The following PANX2 variants were observed in gnomAD, a reference collection of about 807,000 sequenced individuals.
PANX2 encodes pannexin-2.
PANX2 carries 30 observed loss-of-function variants against 38.7 expected under a neutral mutation model. That is an observed-to-expected ratio of 0.78 (90% CI 0.58 to 1.05). PANX2 has a LOEUF of 1.05. PANX2 is among the 50% of genes least tolerant of loss of function. The probability of loss-of-function intolerance (pLI) is 0.00; values close to 1 mark genes in which losing one functional copy is unlikely to be tolerated. For synonymous variants in PANX2, 539 were observed against 472.1 expected, an observed-to-expected ratio of 1.14 and a Z score of -1.84; for missense variants, 880 against 979.3, an observed-to-expected ratio of 0.90 and a Z score of 1.35.
Position 50,178,957 on chromosome 22 carries a change from AT to A in PANX2, c.1715del (p.Ile572ThrfsTer32). 1 of 1,586,398 alleles carries A rather than the reference AT, an allele frequency of 6.3e-7. No individual in the cohort carries two copies. Among genetic ancestry groups the A allele is most frequent in the Non-Finnish European group, 8.6e-7 (1 of 1,164,890 alleles). On this transcript the variant is annotated frameshift_variant, in exon 3 of 3. Coordinates refer to ENST00000395842, the MANE Select transcript of PANX2 (RefSeq NM_052839.4). LOFTEE classifies it low-confidence loss of function (END_TRUNC). ...IKDAPLPEKE[I>X]PYPTEPARAG... Reference sequence around the variant, plus strand: ...AGATGCTCCGCTCCCCGAGAAGGAAATCCCGTACCCCACAGAGCCAGCCCGG... The same window carrying A: ...AGATGCTCCGCTCCCCGAGAAGGAAACCCGTACCCCACAGAGCCAGCCCGG...
rs1215081940 is a variant in PANX2, at chr22:50,179,096, G to A, written c.1853G>A (p.Ser618Asn). 2 of 1,611,802 alleles carry A rather than the reference G, an allele frequency of 1.2e-6. No homozygotes were observed. Among genetic ancestry groups the A allele is most frequent in the Non-Finnish European group, 1.7e-6 (2 of 1,179,396 alleles). The change falls in exon 3 of 3, where the codon AGC becomes AAC. Residue 618 changes from serine to asparagine, a missense_variant. Around this residue, in one of 4 missense-constraint regions of PANX2, gnomAD observed 445 missense variants for 404.3 expected, o/e 1.10. Coordinates refer to ENST00000395842, the MANE Select transcript of PANX2 (RefSeq NM_052839.4). ...LGKAEPLTILSRNATHPLLHI... is the reference protein window; with the variant it reads ...LGKAEPLTILNRNATHPLLHI... Reference sequence around the variant, plus strand: ...AAGGCGGAGCCCCTCACCATCCTGAGCCGAAACGCCACACACCCGCTGCTG... The same window carrying A: ...AAGGCGGAGCCCCTCACCATCCTGAACCGAAACGCCACACACCCGCTGCTG...
Position 50,177,088 on chromosome 22 carries a change from T to C in PANX2, c.376T>C (p.Tyr126His). Residue 126 changes from tyrosine (Y) to histidine (H), a missense_variant, in exon 2 of 3, where the codon TAC becomes CAC. Coordinates refer to ENST00000395842, the MANE Select transcript of PANX2 (RefSeq NM_052839.4). ...PSLFEHKFLPYALLAFAAIMY... is the reference protein window; with the variant it reads ...PSLFEHKFLPHALLAFAAIMY... ...GCTGTTTGAGCACAAGTTCCTGCCCTACGCGCTGCTGGCCTTCGCCGCCAT... is the reference window on the plus strand; with the variant it reads ...GCTGTTTGAGCACAAGTTCCTGCCCCACGCGCTGCTGGCCTTCGCCGCCAT... 2 of 1,610,950 alleles carry C rather than the reference T, an allele frequency of 1.2e-6. No homozygotes were observed. The highest frequency in any genetic ancestry group is 1.7e-6 in the Non-Finnish European group (2 of 1,179,104).
Position 50,179,136 on chromosome 22 carries a change from G to A in PANX2, c.1893G>A (p.Leu631=), listed in dbSNP as rs1193274847. 8.1e-6 allele frequency: 13 copies of A among 1,612,280 alleles called. No individual in the cohort carries two copies. The highest frequency in any genetic ancestry group is 9.3e-6 in the Non-Finnish European group (11 of 1,179,680). ...ATHPLLHINT[L]YEAREEEDGG... ...ACCCGCTGCTGCACATCAACACGCT[G>A]TACGAGGCCCGGGAGGAGGAGGACG... The change falls in exon 3 of 3, where the codon CTG becomes CTA. Residue 631 remains leucine (L), a synonymous_variant. Transcript: ENST00000395842.
At position 50,179,234 on chromosome 22, in the gene PANX2, C is replaced by A. The variant is rs749243757; in HGVS notation, c.1991C>A (p.Thr664Asn). The A allele has an allele frequency of 6.2e-7, 1 of 1,612,716 alleles. No individual in the cohort carries two copies. The highest frequency in any genetic ancestry group is 1.7e-5 in the Admixed American group (1 of 60,024). The change falls in exon 3 of 3, where the codon ACC (threonine) becomes AAC (asparagine). Residue 664 changes from threonine (T) to asparagine (N), a missense_variant. By Grantham distance (65) the Thr-to-Asn change is moderately conservative (BLOSUM62 0). This residue lies in a region of PANX2 where 445 missense variants were observed against 404.3 expected (regional missense o/e 1.10). Coordinates refer to ENST00000395842, the MANE Select transcript of PANX2 (RefSeq NM_052839.4). ...GCCCCACAGCAGATCCTCATCGCCA[C>A]CTTCGACGAGCCGAGAACGGTCGTG... ...IPAPQQILIA[T>N]FDEPRTVVST... is the part of the protein sequence containing the mutation.
intron 2 of PANX2, among the ~76,000 whole-genome samples, chr22:50,178,694 G>C (rs2063679945): frequency 6.6e-6 from 1 of 152,330 alleles, no homozygotes; most frequent in East Asian, 1.9e-4. Flanking sequence ...AGAGCTCCGC[G>C]TGCGTGGTGC....
chr22:50,177,960 C>A lies in PANX2; in HGVS notation c.1248C>A (p.Gly416=). 2.6e-6 allele frequency: 4 copies of A among 1,533,262 alleles called. No homozygotes were observed. Among genetic ancestry groups the A allele is most frequent in the Middle Eastern group, 3.4e-4 (2 of 5,934 alleles). 95.0% of individuals were successfully genotyped at this position (1,533,262 alleles called of 1,614,324 possible). ...DPSANPAEPD[G]AAEPPVVKRP... is the part of the protein sequence containing the mutation. ...GCGCCAACCCCGCCGAGCCCGACGG[C>A]GCCGCCGAGCCGCCCGTGGTCAAGC... Residue 416 remains glycine (G), a synonymous_variant, in exon 2 of 3, where the codon GGC becomes GGA. Coordinates refer to ENST00000395842, the MANE Select transcript of PANX2 (RefSeq NM_052839.4).
In PANX2 at chr22:50,178,275, C is replaced by T. The variant is rs1444465088; in HGVS notation, c.1563C>T (p.Ile521=). The part of the protein sequence containing the change: ...RHFSLDVHPY[I]LGTKKAKAEA... ...TCTCCCTGGACGTGCACCCCTACAT[C>T]CTCGGCACCAAGAAGGCCAAGGCCG... Residue 521 remains isoleucine, a synonymous_variant, in exon 2 of 3, where the codon ATC becomes ATT. Coordinates refer to ENST00000395842, the MANE Select transcript of PANX2 (RefSeq NM_052839.4). The T allele has an allele frequency of 7.1e-7, 1 of 1,413,390 alleles. No homozygotes were observed. Among genetic ancestry groups the T allele is most frequent in the South Asian group, 1.2e-5 (1 of 81,048 alleles). 87.6% of individuals were successfully genotyped at this position (1,413,390 alleles called of 1,614,324 possible).
At chr22:50,173,087 G>A (rs1045614330) in intron 1 of PANX2, among the ~76,000 whole-genome samples, 1 of 152,134 alleles carries the variant, frequency 6.6e-6, no homozygotes, top group African/African-American at 2.4e-5. Flanking sequence ...TAGTAGAGAC[G>A]GGGTTTTGCC....
Position 50,177,577 on chromosome 22 carries a change from A to T in PANX2, c.865A>T (p.Ile289Phe). 1 of 1,612,704 alleles carries T rather than the reference A, an allele frequency of 6.2e-7. No homozygotes were observed. Among genetic ancestry groups the T allele is most frequent in the East Asian group, 2.2e-5 (1 of 44,872 alleles). The change falls in exon 2 of 3, where the codon ATC (isoleucine) becomes TTC (phenylalanine). Residue 289 changes from isoleucine (I) to phenylalanine (F), a missense_variant. Physicochemically the swap from Ile to Phe is conservative, Grantham distance 21. Coordinates refer to ENST00000395842, the MANE Select transcript of PANX2 (RefSeq NM_052839.4). ...GCTCCCGTCCGTGCAACTGCAGCGC[A>T]TCATCGCGGGCGTGGACATCGTGCT... ...CKLPSVQLQR[I>F]IAGVDIVLLC...
At chr22:50,173,119 A>G (rs535992612) in intron 1 of PANX2, among the ~76,000 whole-genome samples, 3 of 151,758 alleles carry the variant, frequency 2.0e-5, no homozygotes, top group South Asian at 2.1e-4. Context: ...GATGGTCTCG[A>G]TCTCCTGACC....
chr22:50,174,969 G>C (rs1260639543), intron 1 of PANX2, among the ~76,000 whole-genome samples: 1 of 152,236 alleles, frequency 6.6e-6, no homozygotes, highest in African/African-American at 2.4e-5. Flanking sequence ...CGGGTCCAGG[G>C]AGGAGGGAAG....
chr22:50,175,739 G>T (rs1266671298), intron 1 of PANX2, among the ~76,000 whole-genome samples: 3 of 152,228 alleles, frequency 2.0e-5, no homozygotes, highest in Admixed American at 2.0e-4. Flanking sequence ...CCTCAGTGGT[G>T]ATGATGGCAG....
chr22:50,174,348 G>T (rs1377366301), intron 1 of PANX2, among the ~76,000 whole-genome samples: 1 of 151,920 alleles, frequency 6.6e-6, no homozygotes, highest in African/African-American at 2.4e-5. Context: ...AGGACTGGGG[G>T]AGGGCCGGGG....
At chr22:50,176,062 T>A (rs1309251475) in intron 1 of PANX2, among the ~76,000 whole-genome samples, 1 of 152,172 alleles carries the variant, frequency 6.6e-6, no homozygotes, top group African/African-American at 2.4e-5. Flanking sequence ...TGTGAAGGGC[T>A]CAGCCTGAAG....
chr22:50,179,289 G>A lies in PANX2; in HGVS notation c.*12G>A, dbSNP rs1456827238. On this transcript the variant is annotated 3_prime_UTR_variant, in exon 3 of 3. Coordinates refer to ENST00000395842, the MANE Select transcript of PANX2 (RefSeq NM_052839.4). ...CTGTGGAGTTTTGAGGGATGGCACC[G>A]TCCAGGCCGCCGAGAGCCCCTCTGC... The A allele has an allele frequency of 3.7e-6, 6 of 1,605,684 alleles. No individual in the cohort carries two copies. In the African/African-American group the frequency reaches 5.3e-5, roughly 14 times the overall value.
At position 50,179,073 on chromosome 22, in the gene PANX2, G is replaced by T. The variant is rs1426327610; in HGVS notation, c.1830G>T (p.Lys610Asn). The T allele has an allele frequency of 1.2e-6, 2 of 1,611,298 alleles. No individual in the cohort carries two copies. The highest frequency in any genetic ancestry group is 4.5e-5 in the East Asian group (2 of 44,792). The change falls in exon 3 of 3, where the codon AAG becomes AAT. Residue 610 changes from lysine (K) to asparagine (N), a missense_variant. Lys to Asn is a moderately conservative substitution (Grantham distance 94). Coordinates refer to ENST00000395842, the MANE Select transcript of PANX2 (RefSeq NM_052839.4). ...CTCTGACACCAGCCAGCCTGGGCAA[G>T]GCGGAGCCCCTCACCATCCTGAGCC... ...VAPLTPASLG[K>N]AEPLTILSRN...
At chr22:50,173,358 G>GC (rs2063644995) in intron 1 of PANX2, among the ~76,000 whole-genome samples, 1 of 152,238 alleles carries the variant, frequency 6.6e-6, no homozygotes, top group Non-Finnish European at 1.5e-5. Context: ...AAGCGGAAAG[G>GC]AAGCGAGCGC....
At chr22:50,174,639 G>T (rs963236845) in intron 1 of PANX2, among the ~76,000 whole-genome samples, 2 of 152,228 alleles carry the variant, frequency 1.3e-5, no homozygotes, top group African/African-American at 4.8e-5. Flanking sequence ...CTGCCCTGTT[G>T]GATGGGCCAG....
chr22:50,173,113 G>GAA (rs1453129746), intron 1 of PANX2, among the ~76,000 whole-genome samples: 2 of 152,062 alleles, frequency 1.3e-5, no homozygotes, highest in Non-Finnish European at 1.5e-5. Flanking sequence ...GGCCAGGATG[G>GAA]TCTCGATCTC....
Sources: gnomAD v4.1 joint callset for allele counts (sites outside exome capture counted in the v4.1 genomes callset) on GRCh38, gnomAD v4.1.1 for gene constraint, gnomAD v4.1.1 regional missense constraint, MANE v1.5 for transcripts, NCBI Gene and HGNC (gene_info 2026-07-23, HGNC 2026-07-21) for gene names.